The following RIN2 variants were observed in gnomAD, a reference collection of about 807,000 sequenced individuals.
RIN2 encodes the protein Ras and Rab interactor 2, also known as RAB5 interacting protein 2.
RIN2 carries 36 observed loss-of-function variants against 78.0 expected under a neutral mutation model. The observed-to-expected ratio is 0.46, with a 90% CI of 0.35 to 0.61. The LOEUF is 0.61. RIN2 is among the 20% of genes least tolerant of loss of function. The pLI is 0.00. For missense variants in RIN2, 1,087 were observed against 1,159.7 expected (o/e 0.94, Z 0.91); for synonymous variants, 466 against 466.8 (o/e 1.00, Z 0.02).
intron 3 of RIN2, among the ~76,000 whole-genome samples, chr20:19,899,462 A>G (rs1051849103): frequency 6.6e-6 from 1 of 152,224 alleles, no homozygotes; most frequent in South Asian, 2.1e-4. Flanking sequence ...ATTGCTGTGT[A>G]ACTAATTACC....
At chr20:19,808,340 G>A (rs2035474939) in intron 2 of RIN2, among the ~76,000 whole-genome samples, 1 of 152,210 alleles carries the variant, frequency 6.6e-6, no homozygotes. Context: ...GGAGTCAGGG[G>A]AAGGGGAGTC....
chr20:19,962,660 T>G (rs541895817), intron 6 of RIN2, among the ~76,000 whole-genome samples: 1 of 152,352 alleles, frequency 6.6e-6, no homozygotes, highest in Admixed American at 6.5e-5. Context: ...AGCCAGGGCC[T>G]GTTTATCTTC....
At chr20:19,995,252 T>G (rs202237986) in intron 11 of RIN2, among the ~76,000 whole-genome samples, 31 of 135,574 alleles carry the variant, frequency 2.3e-4, no homozygotes, top group Middle Eastern at 3.6e-3. Flanking sequence ...CCAGTGTCTG[T>G]TTTTTTTTTA....
intron 2 of RIN2, among the ~76,000 whole-genome samples, chr20:19,868,447 G>A (rs372465951): frequency 3.9e-5 from 6 of 152,210 alleles, no homozygotes; most frequent in Admixed American, 1.3e-4. Flanking sequence ...ATTATTTAGT[G>A]TCCAGCACTG....
intron 3 of RIN2, among the ~76,000 whole-genome samples, chr20:19,897,592 C>T (rs1021816683): frequency 5.3e-5 from 8 of 152,190 alleles, no homozygotes; most frequent in Non-Finnish European, 1.0e-4. Flanking sequence ...TTCCTGACCC[C>T]ACGTAACCTC....
intron 1 of RIN2, among the ~76,000 whole-genome samples, chr20:19,777,973 C>T (rs557699465): frequency 3.3e-5 from 5 of 152,272 alleles, no homozygotes; most frequent in East Asian, 3.9e-4. Flanking sequence ...CAAGGAAATT[C>T]CTAAAAAGGC....
At chr20:19,803,074 T>A (rs891355653) in intron 2 of RIN2, among the ~76,000 whole-genome samples, 2 of 152,188 alleles carry the variant, frequency 1.3e-5, no homozygotes, top group African/African-American at 2.4e-5. Context: ...GCTCACTGAT[T>A]AGTGAAAAAG....
chr20:19,958,457 G>T (rs1490970851), intron 5 of RIN2, among the ~76,000 whole-genome samples: 4 of 152,264 alleles, frequency 2.6e-5, no homozygotes, highest in African/African-American at 9.6e-5. Flanking sequence ...TGGGAAACAA[G>T]CCAGGCATGT....
rs375976234 is a variant in RIN2, at chr20:19,992,233, C to G, written c.2134C>G (p.Leu712Val). 3.7e-6 allele frequency: 6 copies of G among 1,606,460 alleles called. No individual in the cohort carries two copies. The African/African-American group carries it at 6.7e-5, about 18-fold the overall frequency. Residue 712 changes from leucine to valine, a missense_variant, in exon 11 of 13, where the codon CTT becomes GTT. Leu to Val is a conservative substitution (Grantham distance 32). Transcript: ENST00000255006. The part of the protein sequence containing the change: ...LTYVIAQCDM[L>V]ELDTEIEYMM... ...CTATGTCATAGCCCAGTGTGACATG[C>G]TTGAATTGGACACTGAAATCGAGTA...
At chr20:19,967,347 T>A (rs1382050320) in intron 7 of RIN2, among the ~76,000 whole-genome samples, 2 of 152,240 alleles carry the variant, frequency 1.3e-5, no homozygotes, top group Non-Finnish European at 2.9e-5. Flanking sequence ...TTTGATGTTT[T>A]TGTTTCTCTT....
intron 7 of RIN2, among the ~76,000 whole-genome samples, chr20:19,965,624 C>G (rs2041914069): frequency 6.6e-6 from 1 of 151,920 alleles, no homozygotes; most frequent in Non-Finnish European, 1.5e-5. Flanking sequence ...TTTTTGTTTT[C>G]TTTTTGAGAT....
At chr20:19,998,432 A>G (rs1396019501) in intron 12 of RIN2, among the ~76,000 whole-genome samples, 1 of 152,072 alleles carries the variant, frequency 6.6e-6, no homozygotes, top group African/African-American at 2.4e-5. Flanking sequence ...CTCCATCTCG[A>G]CAAAACAACC....
intron 3 of RIN2, among the ~76,000 whole-genome samples, chr20:19,909,839 G>A (rs984652476): frequency 3.3e-5 from 5 of 152,178 alleles, no homozygotes; most frequent in Admixed American, 2.0e-4. Context: ...TTCCCCAGAG[G>A]CACTCAGCAG....
chr20:19,805,549 G>A (rs1335486386), intron 2 of RIN2, among the ~76,000 whole-genome samples: 3 of 151,834 alleles, frequency 2.0e-5, no homozygotes, highest in African/African-American at 4.8e-5. Flanking sequence ...TTACAGGCAC[G>A]CACCACCACA....
intron 9 of RIN2, among the ~76,000 whole-genome samples, chr20:19,988,218 A>G (rs2042681329): frequency 6.6e-6 from 1 of 152,160 alleles, no homozygotes; most frequent in Admixed American, 6.5e-5. Flanking sequence ...TCCAGGGTTC[A>G]AGAGATTCTC....
In RIN2 at chr20:19,937,373, C is replaced by T. The variant is rs532740498; in HGVS notation, c.158+2174C>T. ...CACCGCCCGGGCCCCTGGCTCTGCA[C>T]GTCTGACGGCTGCAGGAAATGCACC... On this transcript the variant is annotated intron_variant, in intron 4 of 12. Transcript: ENST00000255006. Among the ~76,000 whole-genome samples the T allele has an allele frequency of 1.2e-4, 18 of 152,316 alleles. No individual in the cohort carries two copies. The South Asian group carries it at 1.4e-3, about 12-fold the overall frequency.
intron 2 of RIN2, among the ~76,000 whole-genome samples, chr20:19,874,855 ATTTTATTT>A (rs2037807158): frequency 6.7e-6 from 1 of 149,456 alleles, no homozygotes; most frequent in Admixed American, 6.8e-5. Flanking sequence ...ATTTTATTTT[ATTTTATTT>A]TATTTTTTAT....
intron 3 of RIN2, among the ~76,000 whole-genome samples, chr20:19,919,606 G>T (rs968895620): frequency 1.3e-5 from 2 of 151,902 alleles, no homozygotes; most frequent in Non-Finnish European, 2.9e-5. Flanking sequence ...AGGAGTTCAA[G>T]ACCAGCCTGG....
At chr20:19,805,255 G>A (rs924507542) in intron 2 of RIN2, among the ~76,000 whole-genome samples, 2 of 152,176 alleles carry the variant, frequency 1.3e-5, no homozygotes, top group Admixed American at 1.3e-4. Flanking sequence ...AGGGCAAAGA[G>A]GCCATACAGT....
Sources: gnomAD v4.1 joint callset for allele counts (sites outside exome capture counted in the v4.1 genomes callset) on GRCh38, gnomAD v4.1.1 for gene constraint, MANE v1.5 for transcripts, NCBI Gene and HGNC (gene_info 2026-07-23, HGNC 2026-07-21) for gene names.